MMP16: variants seen among roughly 807,000 people sequenced by gnomAD.
The protein encoded by MMP16 is matrix metallopeptidase 16.
Under a neutral mutation model 67.8 loss-of-function variants are expected in MMP16, and 12 were observed. That is an observed-to-expected ratio of 0.18 (90% CI 0.11 to 0.29). MMP16 has a LOEUF of 0.29. Among genes scored for constraint, MMP16 ranks in the 10% least tolerant of loss-of-function variants. The pLI, the probability that MMP16 is intolerant of heterozygous loss-of-function variation, is 1.00. For synonymous variants in MMP16, 249 were observed against 255.9 expected (o/e 0.97, Z 0.26); for missense variants, 475 against 765.7 (o/e 0.62, Z 4.48).
At chr8:88,133,723 C>A (rs1808071758) in intron 4 of MMP16, among the ~76,000 whole-genome samples, 1 of 151,610 alleles carries the variant, frequency 6.6e-6, no homozygotes. Context: ...ACACTTAGAA[C>A]CTGAATTAAC....
intron 6 of MMP16, among the ~76,000 whole-genome samples, chr8:88,088,767 T>C (rs1422666820): frequency 6.6e-6 from 1 of 152,070 alleles, no homozygotes; most frequent in Non-Finnish European, 1.5e-5. Flanking sequence ...ACACACAACT[T>C]GCTGTGGAGT....
chr8:88,051,499 T>C (rs1808270407), intron 8 of MMP16, among the ~76,000 whole-genome samples: 1 of 152,162 alleles, frequency 6.6e-6, no homozygotes. Flanking sequence ...ATCAGATAAT[T>C]TTTTGGAGAT....
chr8:88,205,833 G>C (rs1482131012), intron 1 of MMP16, among the ~76,000 whole-genome samples: 1 of 152,092 alleles, frequency 6.6e-6, no homozygotes, highest in Non-Finnish European at 1.5e-5. Flanking sequence ...CAAATGTCCA[G>C]ACTCTGAGAT....
chr8:88,254,904 A>G (rs1003023841), intron 1 of MMP16, among the ~76,000 whole-genome samples: 1 of 152,216 alleles, frequency 6.6e-6, no homozygotes, highest in African/African-American at 2.4e-5. Flanking sequence ...CTACATCACT[A>G]TAAGATATTA....
rs71277981 is a variant in MMP16 at position 88,183,712 on chromosome 8, CTTTTTTTT to C, written c.404+2756_404+2763del. Among the ~76,000 whole-genome samples the C allele has an allele frequency of 3.3e-5, 3 of 92,108 alleles. No homozygotes were observed. In the South Asian group the frequency reaches 1.2e-3, roughly 37 times the overall value. The allele number at this position is 92,108 out of a possible 152,430, so 60.4% of individuals were successfully genotyped here. ...TTTTTCTGTTTAACAAAATGTCCTT[CTTTTTTTT>C]TTTTTTTTTTTTGAGATGGAGTTTC... On this transcript the variant is annotated intron_variant, in intron 3 of 9. Coordinates refer to ENST00000286614, the MANE Select transcript of MMP16 (RefSeq NM_005941.5).
chr8:88,160,633 A>G (rs1439731661), intron 4 of MMP16, among the ~76,000 whole-genome samples: 1 of 152,074 alleles, frequency 6.6e-6, no homozygotes, highest in Non-Finnish European at 1.5e-5. Flanking sequence ...TCAGGAAACA[A>G]CAGGTGCTGG....
chr8:88,051,657 A>C (rs190600418), intron 8 of MMP16, among the ~76,000 whole-genome samples: 100 of 152,300 alleles, frequency 6.6e-4, no homozygotes, highest in African/African-American at 2.3e-3. Flanking sequence ...TGTAAACATA[A>C]CACTTAAGCT....
At chr8:88,241,080 TG>T (rs1327027696) in intron 1 of MMP16, among the ~76,000 whole-genome samples, 20 of 151,576 alleles carry the variant, frequency 1.3e-4, no homozygotes, top group Middle Eastern at 3.5e-3. Flanking sequence ...AGTTTTGTTT[TG>T]TTTTTTTTTT....
intron 3 of MMP16, among the ~76,000 whole-genome samples, chr8:88,168,874 A>T (rs1007625259): frequency 1.3e-5 from 2 of 149,838 alleles, no homozygotes; most frequent in African/African-American, 2.5e-5. Context: ...AATATTTTTG[A>T]TTTTTTTTTT....
Position 88,327,067 on chromosome 8 carries a change from A to C in MMP16, c.132+8T>G, listed in dbSNP as rs1352850618. The C allele has an allele frequency of 8.7e-6, 14 of 1,613,452 alleles. No homozygotes were observed. Among genetic ancestry groups the C allele is most frequent in the Non-Finnish European group, 1.1e-5 (13 of 1,179,798 alleles). On this transcript the variant is annotated splice_region_variant and intron_variant, in intron 1 of 9. Coordinates refer to ENST00000286614, the MANE Select transcript of MMP16 (RefSeq NM_005941.5). Reference sequence around the variant, plus strand: ...GCGGGGGGAGGAAGAAAGCCCTCGCACTCTTACCTCCACATTGAAATACTG... The same window carrying C: ...GCGGGGGGAGGAAGAAAGCCCTCGCCCTCTTACCTCCACATTGAAATACTG...
chr8:88,282,089 G>GC (rs1554591333), intron 1 of MMP16, among the ~76,000 whole-genome samples: 3 of 148,424 alleles, frequency 2.0e-5, no homozygotes, highest in Non-Finnish European at 3.0e-5. Flanking sequence ...TTTTGGGGGG[G>GC]GGGGGGCGAC....
At chr8:88,101,603 G>A (rs534895532) in intron 6 of MMP16, among the ~76,000 whole-genome samples, 1 of 151,954 alleles carries the variant, frequency 6.6e-6, no homozygotes, top group East Asian at 2.0e-4. Flanking sequence ...TCACTGGTAA[G>A]CACCGCAGCC....
At chr8:88,267,024 A>C (rs142975436) in intron 1 of MMP16, among the ~76,000 whole-genome samples, 3 of 152,300 alleles carry the variant, frequency 2.0e-5, no homozygotes, top group Admixed American at 6.5e-5. Flanking sequence ...TGGTGTGATG[A>C]ATGCTAATTT....
At chr8:88,122,198 G>A (rs1231860745) in intron 4 of MMP16, among the ~76,000 whole-genome samples, 1 of 152,028 alleles carries the variant, frequency 6.6e-6, no homozygotes, top group Non-Finnish European at 1.5e-5. Flanking sequence ...TTCCCCTAGT[G>A]TTGTAGCTTT....
chr8:88,069,850 A>G (rs1352665529), intron 7 of MMP16, among the ~76,000 whole-genome samples: 1 of 152,150 alleles, frequency 6.6e-6, no homozygotes, highest in African/African-American at 2.4e-5. Context: ...TAGCTTACAA[A>G]TAAGATAAAA....
intron 6 of MMP16, among the ~76,000 whole-genome samples, chr8:88,109,207 T>C (rs1396236549): frequency 1.3e-5 from 2 of 151,454 alleles, no homozygotes; most frequent in Non-Finnish European, 3.0e-5. Context: ...ATATAGTCTT[T>C]ATAGTTATTA....
intron 1 of MMP16, among the ~76,000 whole-genome samples, chr8:88,322,210 A>G (rs1462389116): frequency 6.6e-6 from 1 of 152,164 alleles, no homozygotes; most frequent in East Asian, 1.9e-4. Context: ...TTTCTATGGC[A>G]TTAGAAAAGA....
intron 1 of MMP16, among the ~76,000 whole-genome samples, chr8:88,225,241 C>T (rs995304868): frequency 8.6e-5 from 13 of 151,910 alleles, no homozygotes; most frequent in Non-Finnish European, 5.9e-5. Flanking sequence ...GAATAGCTCA[C>T]ACTAATATTA....
At chr8:88,065,683 T>A (rs1808454939) in intron 7 of MMP16, among the ~76,000 whole-genome samples, 1 of 152,140 alleles carries the variant, frequency 6.6e-6, no homozygotes, top group Non-Finnish European at 1.5e-5. Context: ...ATGTTTCTTT[T>A]ACGTTACCTA....
Sources: allele counts gnomAD v4.1 joint callset (sites outside exome capture counted in the v4.1 genomes callset), GRCh38; gene constraint gnomAD v4.1.1; transcripts MANE v1.5; gene names NCBI Gene and HGNC (gene_info 2026-07-23, HGNC 2026-07-21).